Variants in PXYLP1 observed in about 807,000 individuals in gnomAD.
PXYLP1 encodes acid phosphatase-like 2.
Under a neutral mutation model 37.9 loss-of-function variants are expected in PXYLP1, and 17 were observed. The ratio of observed to expected loss-of-function variants is 0.45; its 90% confidence interval spans 0.31 to 0.67. PXYLP1 has a LOEUF of 0.67. PXYLP1 is among the 30% of genes least tolerant of loss of function. The pLI is 0.07. For missense variants in PXYLP1, 511 were observed against 612.0 expected (o/e 0.84, Z 1.74); for synonymous variants, 221 against 232.2 (o/e 0.95, Z 0.44).
rs569367167 is a variant in PXYLP1 at position 141,279,073 on chromosome 3, T to C, written c.239-305T>C. Among the ~76,000 whole-genome samples the C allele has an allele frequency of 1.0e-3, 159 of 152,360 alleles. 2 individuals are homozygous for C. Among genetic ancestry groups the C allele is most frequent in the Middle Eastern group, 3.4e-3 (1 of 294 alleles). On this transcript the variant is annotated intron_variant, in intron 3 of 5. Transcript: ENST00000286353. ...CGTGGCTCTCTCCCTGGTCTGTGCA[T>C]GTGAGTGAGGCCACATTAGTAGTCA...
chr3:141,258,189 G>T (rs188468345), intron 1 of PXYLP1, among the ~76,000 whole-genome samples: 1 of 152,170 alleles, frequency 6.6e-6, no homozygotes, highest in Non-Finnish European at 1.5e-5. Context: ...ATCAGAAACC[G>T]GGGGTGGATG....
chr3:141,246,165 A>C (rs1371692427), intron 1 of PXYLP1, among the ~76,000 whole-genome samples: 1 of 152,200 alleles, frequency 6.6e-6, no homozygotes, highest in Non-Finnish European at 1.5e-5. Flanking sequence ...ATTCCAGCTT[A>C]GTATTAAAAG....
At chr3:141,252,283 C>G (rs961436804) in intron 1 of PXYLP1, among the ~76,000 whole-genome samples, 3 of 152,146 alleles carry the variant, frequency 2.0e-5, no homozygotes, top group East Asian at 3.9e-4. Context: ...CAGCACACCC[C>G]CTGTGTTAGT....
At chr3:141,281,335 G>T (rs889572749) in intron 4 of PXYLP1, among the ~76,000 whole-genome samples, 2 of 152,308 alleles carry the variant, frequency 1.3e-5, no homozygotes, top group Admixed American at 1.3e-4. Flanking sequence ...CTGGGCAGGT[G>T]TGAGCCACAA....
chr3:141,265,738 T>G (rs918958832), intron 2 of PXYLP1, among the ~76,000 whole-genome samples: 2 of 152,168 alleles, frequency 1.3e-5, no homozygotes, highest in African/African-American at 4.8e-5. Context: ...CATGCATTCA[T>G]TCACGTAAAT....
At chr3:141,290,371 G>A (rs1942173581) in intron 5 of PXYLP1, among the ~76,000 whole-genome samples, 1 of 152,220 alleles carries the variant, frequency 6.6e-6, no homozygotes, top group Non-Finnish European at 1.5e-5. Flanking sequence ...CCAGTGGCTG[G>A]TGGTGAATTT....
Position 141,287,299 on chromosome 3 carries a change from C to G in PXYLP1, c.366-15C>G, listed in dbSNP as rs1372264866. 1 of 1,613,270 alleles carries G rather than the reference C, an allele frequency of 6.2e-7. No individual in the cohort carries two copies. Among genetic ancestry groups the G allele is most frequent in the South Asian group, 1.1e-5 (1 of 90,988 alleles). ...GGAGCACTCTGACCTCTAACTCTCT[C>G]TATCATCTCTCTAGGAAACCGTATC... is the stretch of plus-strand genomic sequence containing the variant. On this transcript the variant is annotated splice_polypyrimidine_tract_variant and intron_variant, in intron 4 of 5. Transcript: ENST00000286353.
At chr3:141,259,391 A>ATT (rs35796707) in intron 1 of PXYLP1, among the ~76,000 whole-genome samples, 6,350 of 147,208 alleles carry the variant, frequency 0.043, 187 homozygotes, top group South Asian at 0.12. Context: ...GTAGTCATTC[A>ATT]TTTTTTTTTT....
At chr3:141,239,414 G>A (rs781433035) in intron 1 of PXYLP1, among the ~76,000 whole-genome samples, 19 of 152,300 alleles carry the variant, frequency 1.2e-4, no homozygotes, top group Non-Finnish European at 2.2e-4. Flanking sequence ...GAGAAAGAAA[G>A]TATATTTTGG....
In PXYLP1 at chr3:141,260,146, A is replaced by C. The variant is rs747408123; in HGVS notation, c.-30A>C. 1 of 1,613,552 alleles carries C rather than the reference A, an allele frequency of 6.2e-7. No individual in the cohort carries two copies. The highest frequency in any genetic ancestry group is 1.7e-5 in the Admixed American group (1 of 60,026). On this transcript the variant is annotated 5_prime_UTR_variant, in exon 2 of 6. Coordinates refer to ENST00000286353, the MANE Select transcript of PXYLP1 (RefSeq NM_001037172.3). The stretch of plus-strand genomic sequence containing the variant: ...AGGACATGTTCCCGATTTGAGGTGA[A>C]ACCATGAAGAGAAAATAGAATACTT...
chr3:141,247,583 A>G (rs1177799901), intron 1 of PXYLP1, among the ~76,000 whole-genome samples: 1 of 152,214 alleles, frequency 6.6e-6, no homozygotes, highest in Non-Finnish European at 1.5e-5. Context: ...GTTGGTGGGT[A>G]GAGTCAACTT....
chr3:141,287,063 C>A (rs191490727), intron 4 of PXYLP1, among the ~76,000 whole-genome samples: 4 of 152,254 alleles, frequency 2.6e-5, no homozygotes, highest in Admixed American at 2.6e-4. Flanking sequence ...AGATAGACGG[C>A]GAAGCTGAAT....
intron 1 of PXYLP1, among the ~76,000 whole-genome samples, chr3:141,253,897 A>G (rs1941200562): frequency 6.8e-6 from 1 of 148,064 alleles, no homozygotes; most frequent in Non-Finnish European, 1.5e-5. Context: ...TATAATATAT[A>G]AATTATGAAT....
intron 2 of PXYLP1, among the ~76,000 whole-genome samples, chr3:141,271,041 C>T (rs960899846): frequency 6.6e-6 from 1 of 152,150 alleles, no homozygotes; most frequent in Non-Finnish European, 1.5e-5. Flanking sequence ...TAGGCATGTG[C>T]CACCATATCC....
chr3:141,234,835 C>T (rs1306574087), intron 1 of PXYLP1: 1 of 152,204 alleles, frequency 6.6e-6, no homozygotes, highest in Non-Finnish European at 1.5e-5. Context: ...CCTGCACTGC[C>T]CCTGGCTGTC....
At chr3:141,251,708 CT>C (rs1422957130) in intron 1 of PXYLP1, among the ~76,000 whole-genome samples, 1 of 152,194 alleles carries the variant, frequency 6.6e-6, no homozygotes, top group African/African-American at 2.4e-5. Context: ...AGCTTGGAGC[CT>C]TTTGCCCCTC....
At chr3:141,235,986 C>T (rs539413412) in intron 1 of PXYLP1, among the ~76,000 whole-genome samples, 1 of 152,256 alleles carries the variant, frequency 6.6e-6, no homozygotes, top group South Asian at 2.1e-4. Context: ...TCTCAGGAGT[C>T]TGGAAGAAGT....
intron 1 of PXYLP1, among the ~76,000 whole-genome samples, chr3:141,251,365 G>A (rs140212784): frequency 3.3e-5 from 5 of 152,308 alleles, no homozygotes; most frequent in African/African-American, 7.2e-5. Flanking sequence ...GAAGAAAAAC[G>A]TCAGGATGGT....
chr3:141,289,443 C>T lies in PXYLP1; in HGVS notation c.505+1990C>T, dbSNP rs550331878. ...GGTGCCAGGAATGCCTTTCCCCATACTATTGTGATAACTCCACCCCCAAGC... is the reference window on the plus strand; with the variant it reads ...GGTGCCAGGAATGCCTTTCCCCATATTATTGTGATAACTCCACCCCCAAGC... On this transcript the variant is annotated intron_variant, in intron 5 of 5. Coordinates refer to ENST00000286353, the MANE Select transcript of PXYLP1 (RefSeq NM_001037172.3). 8.5e-5 allele frequency among the ~76,000 whole-genome samples: 13 copies of T among 152,274 alleles called. No individual in the cohort carries two copies. In the East Asian group the frequency reaches 2.5e-3, roughly 29 times the overall value.
Sources: gnomAD v4.1 joint callset for allele counts (sites outside exome capture counted in the v4.1 genomes callset) on GRCh38, gnomAD v4.1.1 for gene constraint, MANE v1.5 for transcripts, NCBI Gene and HGNC (gene_info 2026-07-23, HGNC 2026-07-21) for gene names.